Variants in GRIN2A observed in about 807,000 individuals in gnomAD.
GRIN2A encodes the protein glutamate receptor ionotropic, NMDA 2A.
A neutral mutation model predicts 113.4 loss-of-function variants in GRIN2A; 22 were observed. That is an observed-to-expected ratio of 0.19 (90% CI 0.14 to 0.28). GRIN2A has a LOEUF of 0.28. GRIN2A is among the 10% of genes least tolerant of loss of function. The pLI, the probability that GRIN2A is intolerant of heterozygous loss-of-function variation, is 1.00. For missense variants in GRIN2A, 1,502 were observed against 1,887.0 expected (o/e 0.80, Z 3.78); for synonymous variants, 827 against 738.4 (o/e 1.12, Z -1.94).
At chr16:10,044,026 G>T (rs371101027) in intron 2 of GRIN2A, among the ~76,000 whole-genome samples, 10,701 of 132,758 alleles carry the variant, frequency 0.081, 489 homozygotes, top group African/African-American at 0.099. Context: ...TATATATAGA[G>T]AGAGAGAGAG....
At chr16:10,162,164 G>A (rs952680512) in intron 2 of GRIN2A, among the ~76,000 whole-genome samples, 8 of 152,080 alleles carry the variant, frequency 5.3e-5, no homozygotes, top group African/African-American at 1.7e-4. Context: ...GTCCTAGAAG[G>A]GTTTTAGGAA....
At chr16:10,133,390 C>T (rs1469882420) in intron 2 of GRIN2A, among the ~76,000 whole-genome samples, 10 of 152,100 alleles carry the variant, frequency 6.6e-5, no homozygotes, top group African/African-American at 2.4e-4. Flanking sequence ...GGTGGATCAC[C>T]TGAGGTCAGG....
chr16:10,176,057 C>A lies in GRIN2A; in HGVS notation c.414+3941G>T, dbSNP rs188680114. 3.7e-3 allele frequency among the ~76,000 whole-genome samples: 531 copies of A among 142,454 alleles called. 5 individuals are homozygous for A. Among genetic ancestry groups the A allele is most frequent in the African/African-American group, 0.013 (508 of 38,132 alleles). The allele number at this position is 142,454 out of a possible 152,430, so 93.5% of individuals were successfully genotyped here. On this transcript the variant is annotated intron_variant, in intron 2 of 12. Coordinates refer to ENST00000330684, the MANE Select transcript of GRIN2A (RefSeq NM_001134407.3). Reference sequence around the variant, plus strand: ...TCTCACTCTGTCACCCAGGCTAGAGCGCAGTGGCATGATGTTGGCTTGCTG... The same window carrying A: ...TCTCACTCTGTCACCCAGGCTAGAGAGCAGTGGCATGATGTTGGCTTGCTG...
At chr16:9,851,598 A>C (rs1452270371) in intron 4 of GRIN2A, among the ~76,000 whole-genome samples, 1 of 152,228 alleles carries the variant, frequency 6.6e-6, no homozygotes, top group Non-Finnish European at 1.5e-5. Flanking sequence ...ATGTTATACC[A>C]ATCCCTTTTC....
At chr16:9,812,321 A>G (rs939371740) in intron 10 of GRIN2A, among the ~76,000 whole-genome samples, 3 of 152,146 alleles carry the variant, frequency 2.0e-5, no homozygotes, top group African/African-American at 7.2e-5. Flanking sequence ...TAAGCTCCCA[A>G]TAAATGGAAT....
At chr16:9,999,853 A>G (rs1160955192) in intron 2 of GRIN2A, among the ~76,000 whole-genome samples, 1 of 152,190 alleles carries the variant, frequency 6.6e-6, no homozygotes, top group African/African-American at 2.4e-5. Flanking sequence ...AAGCACAACG[A>G]CTTAGAATAA....
intron 2 of GRIN2A, among the ~76,000 whole-genome samples, chr16:10,098,157 A>G (rs753910824): frequency 1.1e-4 from 17 of 152,242 alleles, no homozygotes; most frequent in Non-Finnish European, 2.1e-4. Context: ...GCATGAACAG[A>G]TAGTTCTCAA....
chr16:9,770,728 G>A (rs1195799123), intron 11 of GRIN2A, among the ~76,000 whole-genome samples: 1 of 152,134 alleles, frequency 6.6e-6, no homozygotes, highest in Non-Finnish European at 1.5e-5. Flanking sequence ...AAATTCACCT[G>A]CTATGGCTTT....
chr16:10,054,599 A>G (rs1274153033), intron 2 of GRIN2A, among the ~76,000 whole-genome samples: 1 of 152,240 alleles, frequency 6.6e-6, no homozygotes, highest in African/African-American at 2.4e-5. Flanking sequence ...TGTTTCGTTG[A>G]TTTAATGACA....
rs576815571 is a variant in GRIN2A at position 10,000,518 on chromosome 16, C to G, written c.415-61967G>C. On this transcript the variant is annotated intron_variant, in intron 2 of 12. Transcript: ENST00000330684. Reference sequence around the variant, plus strand: ...TGGGCCACTTGTTGGAAGTCCTAAGCAGTGAGTTATGTTCTAAAGCACTAT... The same window carrying G: ...TGGGCCACTTGTTGGAAGTCCTAAGGAGTGAGTTATGTTCTAAAGCACTAT... Among the ~76,000 whole-genome samples, 20 of 152,130 alleles carry G rather than the reference C, an allele frequency of 1.3e-4. 1 individual carries two copies. In the South Asian group the frequency reaches 4.1e-3, roughly 32 times the overall value.
At chr16:9,979,469 T>C (rs1329469858) in intron 2 of GRIN2A, among the ~76,000 whole-genome samples, 1 of 152,160 alleles carries the variant, frequency 6.6e-6, no homozygotes, top group Non-Finnish European at 1.5e-5. Flanking sequence ...AGGACCTCCT[T>C]TTTATCCTTC....
intron 3 of GRIN2A, among the ~76,000 whole-genome samples, chr16:9,924,110 C>CAAAAAA (rs921695456): frequency 1.5e-3 from 27 of 18,110 alleles, no homozygotes; most frequent in East Asian, 4.0e-3. Context: ...GACTTGGTCT[C>CAAAAAA]AAAAAAAAAA....
Position 10,151,345 on chromosome 16 carries a change from G to A in GRIN2A, c.414+28653C>T, listed in dbSNP as rs142146463. Among the ~76,000 whole-genome samples, 172 of 152,294 alleles carry A rather than the reference G, an allele frequency of 1.1e-3. 5 individuals carry two copies. The highest frequency in any genetic ancestry group is 0.011 in the South Asian group (51 of 4,826). ...AATGTGTCTGGTGCTTACAAGTGAA[G>A]AACTGTTTCTGACATTGCCAGTTAG... On this transcript the variant is annotated intron_variant, in intron 2 of 12. Coordinates refer to ENST00000330684, the MANE Select transcript of GRIN2A (RefSeq NM_001134407.3).
chr16:10,048,498 A>G (rs985949861), intron 2 of GRIN2A, among the ~76,000 whole-genome samples: 2 of 152,230 alleles, frequency 1.3e-5, no homozygotes, highest in Non-Finnish European at 2.9e-5. Context: ...TAGTGAAGAC[A>G]TATGTGGGGA....
rs1900651091 is a variant in GRIN2A at position 9,762,928 on chromosome 16, C to G, written c.*221G>C. On this transcript the variant is annotated 3_prime_UTR_variant, in exon 13 of 13. Coordinates refer to ENST00000330684, the MANE Select transcript of GRIN2A (RefSeq NM_001134407.3). Reference sequence around the variant, plus strand: ...TAGTTATTTTTGGTTAAGGACTCACCTATCTGGTGTCTGCCATGCTCAGCA... The same window carrying G: ...TAGTTATTTTTGGTTAAGGACTCACGTATCTGGTGTCTGCCATGCTCAGCA... 2 of 601,246 alleles carry G rather than the reference C, an allele frequency of 3.3e-6. No homozygotes were observed. The highest frequency in any genetic ancestry group is 5.9e-6 in the Non-Finnish European group (2 of 339,254). 37.2% of individuals were successfully genotyped at this position (601,246 alleles called of 1,614,324 possible).
chr16:9,983,024 G>C (rs187795446), intron 2 of GRIN2A, among the ~76,000 whole-genome samples: 2 of 152,226 alleles, frequency 1.3e-5, no homozygotes, highest in Non-Finnish European at 2.9e-5. Context: ...ATGGGGTACG[G>C]TGTGATACTT....
intron 2 of GRIN2A, among the ~76,000 whole-genome samples, chr16:10,104,402 C>A (rs9924673): frequency 0.048 from 7,304 of 152,154 alleles, 343 homozygotes; most frequent in African/African-American, 0.12. Context: ...GTGCCATGCC[C>A]TGGAGGAGGA....
intron 2 of GRIN2A, among the ~76,000 whole-genome samples, chr16:9,952,511 G>A (rs367971478): frequency 1.6e-4 from 24 of 152,254 alleles, no homozygotes; most frequent in African/African-American, 5.5e-4. Flanking sequence ...GGAAGAGGCA[G>A]GGCCCGAGGG....
intron 10 of GRIN2A, among the ~76,000 whole-genome samples, chr16:9,816,483 A>G (rs2042187987): frequency 6.6e-6 from 1 of 152,216 alleles, no homozygotes; most frequent in Admixed American, 6.5e-5. Flanking sequence ...CCAGACTTGT[A>G]CATGAAAATC....
Sources: allele counts gnomAD v4.1 joint callset (sites outside exome capture counted in the v4.1 genomes callset), GRCh38; gene constraint gnomAD v4.1.1; transcripts MANE v1.5; gene names NCBI Gene and HGNC (gene_info 2026-07-23, HGNC 2026-07-21).